Variants in SYNE1 observed in about 807,000 individuals in gnomAD.
SYNE1 encodes nesprin-1.
In SYNE1, 616 loss-of-function variants were observed where a neutral mutation model predicts 1,111.0. The observed-to-expected ratio is 0.55, with a 90% CI of 0.52 to 0.59. The LOEUF (loss-of-function observed/expected upper bound fraction) is 0.59. SYNE1 is among the 20% of genes least tolerant of loss of function. SYNE1 has a pLI of 0.00. For missense variants in SYNE1, 10,006 were observed against 10,417.0 expected, an observed-to-expected ratio of 0.96 and a Z score of 1.72; for synonymous variants, 3,855 against 3,825.8, an observed-to-expected ratio of 1.01 and a Z score of -0.28.
At chr6:152,347,982 G>A (rs10223515) in intron 72 of SYNE1, among the ~76,000 whole-genome samples, 17,690 of 151,748 alleles carry the variant, frequency 0.12, 1,282 homozygotes, top group Non-Finnish European at 0.13. Flanking sequence ...GAGCCACCAC[G>A]CCCGGCCTGT....
At chr6:152,577,160 T>C (rs1396964245) in intron 3 of SYNE1, among the ~76,000 whole-genome samples, 1 of 152,190 alleles carries the variant, frequency 6.6e-6, no homozygotes, top group Non-Finnish European at 1.5e-5. Flanking sequence ...GGCTCAACGA[T>C]AGAAAGAATC....
rs1355947394 is a variant in SYNE1 at position 152,234,112 on chromosome 6, C to T, written c.20530-149G>A. 3.4e-6 allele frequency: 3 copies of T among 878,016 alleles called. No homozygotes were observed. The African/African-American group carries it at 5.0e-5, about 15-fold the overall frequency. The allele number at this position is 878,016 out of a possible 1,614,324, so 54.4% of individuals were successfully genotyped here. On this transcript the variant is annotated intron_variant, in intron 111 of 145. Transcript: ENST00000367255. Reference sequence around the variant, plus strand: ...CAAAAGAAAATGAAAGCAGTACACCCTTGCCCTCGAATGAAAGGAAACTAC... The same window carrying T: ...CAAAAGAAAATGAAAGCAGTACACCTTTGCCCTCGAATGAAAGGAAACTAC...
intron 84 of SYNE1, 78 bp from the exon 85 acceptor site, chr6:152,319,093 T>C: frequency 6.3e-7 from 1 of 1,576,292 alleles, no homozygotes; most frequent in Admixed American, 1.8e-5. Context: ...CAAATGATGT[T>C]GACAAGACAC....
In SYNE1 at chr6:152,176,422, G is replaced by GCCA; in HGVS notation, c.23596_23598dup (p.Trp7866dup). The GCCA allele has an allele frequency of 1.2e-6, 2 of 1,614,142 alleles. No individual in the cohort carries two copies. The highest frequency in any genetic ancestry group is 1.7e-6 in the Non-Finnish European group (2 of 1,180,014). ...GCTGCAATGAGGTCCAGGAGATGCTGCCACCGGTCGTTGACCTTTCCCAGC... is the reference window on the plus strand; with the variant it reads ...GCTGCAATGAGGTCCAGGAGATGCTGCCACCACCGGTCGTTGACCTTTCCCAGC... On this transcript the variant is annotated inframe_insertion, in exon 130 of 146. Coordinates refer to ENST00000367255, the MANE Select transcript of SYNE1 (RefSeq NM_182961.4).
intron 8 of SYNE1, among the ~76,000 whole-genome samples, chr6:152,506,460 A>G (rs953966841): frequency 6.6e-6 from 1 of 152,090 alleles, no homozygotes; most frequent in African/African-American, 2.4e-5. Context: ...GAATCTCAAA[A>G]TTTTCATGAA....
intron 3 of SYNE1, chr6:152,546,995 G>A (rs1170762602): frequency 6.6e-6 from 1 of 152,200 alleles, no homozygotes; most frequent in Non-Finnish European, 1.5e-5. Context: ...TCACTTGGAG[G>A]AGAACTGAGG....
chr6:152,312,865 C>T (rs1283453650), intron 87 of SYNE1, among the ~76,000 whole-genome samples: 1 of 152,022 alleles, frequency 6.6e-6, no homozygotes, highest in East Asian at 1.9e-4. Context: ...CTTAGCGTTA[C>T]CGGAAAAAGG....
At chr6:152,238,029 C>G (rs1369235096) in intron 108 of SYNE1, among the ~76,000 whole-genome samples, 1 of 152,134 alleles carries the variant, frequency 6.6e-6, no homozygotes, top group East Asian at 1.9e-4. Flanking sequence ...GTAAATAAAA[C>G]AGACACAAAC....
intron 89 of SYNE1, 110 bp from the exon 90 acceptor site, chr6:152,310,127 A>C: frequency 7.3e-7 from 1 of 1,372,648 alleles, no homozygotes; most frequent in Non-Finnish European, 9.9e-7. Flanking sequence ...TTTGCAAAAA[A>C]AAAAAAATGT....
intron 135 of SYNE1, among the ~76,000 whole-genome samples, chr6:152,150,041 TGTAGC>T (rs2060141606): frequency 6.6e-6 from 1 of 152,200 alleles, no homozygotes; most frequent in Non-Finnish European, 1.5e-5. Flanking sequence ...CTGAAATAAA[TGTAGC>T]ATTTTAAAGA....
Position 152,366,308 on chromosome 6 carries a change from G to A in SYNE1, c.9972+910C>T, listed in dbSNP as rs573350465. The stretch of plus-strand genomic sequence containing the variant: ...GATCACACCATTGCACTCCAGCCTG[G>A]GCAACAAGAGCAAAACTCCGTCTAA... On this transcript the variant is annotated intron_variant, in intron 62 of 145. Transcript: ENST00000367255. Among the ~76,000 whole-genome samples, 11 of 151,836 alleles carry A rather than the reference G, an allele frequency of 7.2e-5. No homozygotes were observed. The East Asian group carries it at 9.7e-4, about 13-fold the overall frequency.
chr6:152,362,444 C>T, intron 63 of SYNE1, 121 bp from the exon 64 acceptor site: 3 of 1,380,884 alleles, frequency 2.2e-6, no homozygotes, highest in East Asian at 4.7e-5. Context: ...AAGAAGCTTG[C>T]TTGGGAGTGA....
At chr6:152,283,934 A>T in intron 96 of SYNE1, 44 bp downstream of exon 96, 2 of 1,484,640 alleles carry the variant, frequency 1.3e-6, no homozygotes, top group South Asian at 2.3e-5. Flanking sequence ...CAACGTTAAA[A>T]GTTAACTCAG....
chr6:152,372,501 G>A (rs1396844599), intron 59 of SYNE1, among the ~76,000 whole-genome samples: 2 of 151,686 alleles, frequency 1.3e-5, no homozygotes, highest in East Asian at 1.9e-4. Context: ...AGTCTCAGAC[G>A]GAAAAAAAAT....
Position 152,319,012 on chromosome 6 carries a change from G to C in SYNE1, c.16240C>G (p.Gln5414Glu). Reference protein sequence around the residue: ...ALDLKIRDQIQDKIKEVEQSK... With the variant: ...ALDLKIRDQIEDKIKEVEQSK... ...TGCTCAACTTCTTTTATTTTGTCTT[G>C]GATCTAAAAAAATCAGTAAGAACAG... The change falls in exon 85 of 146, where the codon CAA becomes GAA. Residue 5414 changes from glutamine (Q) to glutamate (E), a missense_variant. By Grantham distance (29) the Gln-to-Glu change is conservative. Coordinates refer to ENST00000367255, the MANE Select transcript of SYNE1 (RefSeq NM_182961.4). 1 of 1,613,738 alleles carries C rather than the reference G, an allele frequency of 6.2e-7. No homozygotes were observed.
Position 152,233,764 on chromosome 6 carries a change from A to C in SYNE1, c.20712+17T>G. Reference sequence around the variant, plus strand: ...GCTTAAGTCAGCTATTTCCCACGAAAGCAATCCTTTCTGTACCTGGTGGAG... The same window carrying C: ...GCTTAAGTCAGCTATTTCCCACGAACGCAATCCTTTCTGTACCTGGTGGAG... On this transcript the variant is annotated intron_variant, in intron 112 of 145. Coordinates refer to ENST00000367255, the MANE Select transcript of SYNE1 (RefSeq NM_182961.4). 1 of 1,614,168 alleles carries C rather than the reference A, an allele frequency of 6.2e-7. No homozygotes were observed. Among genetic ancestry groups the C allele is most frequent in the Admixed American group, 1.7e-5 (1 of 60,034 alleles).
intron 142 of SYNE1, chr6:152,134,765 C>T (rs1395617533): frequency 3.5e-6 from 1 of 289,132 alleles, no homozygotes; most frequent in African/African-American, 2.2e-5. Context: ...CTACAAGCCA[C>T]CAAATATACT....
chr6:152,448,621 C>T (rs529343868), intron 28 of SYNE1, among the ~76,000 whole-genome samples: 5 of 152,238 alleles, frequency 3.3e-5, no homozygotes, highest in South Asian at 4.1e-4. Context: ...CAGGGCGGAT[C>T]GCTTGAGCCC....
chr6:152,493,811 C>T (rs966025762), intron 11 of SYNE1, among the ~76,000 whole-genome samples: 3 of 152,220 alleles, frequency 2.0e-5, no homozygotes, highest in Admixed American at 1.3e-4. Flanking sequence ...CCTTCCTAGG[C>T]ATAGTTAGGT....
Sources: allele counts gnomAD v4.1 joint callset (sites outside exome capture counted in the v4.1 genomes callset), GRCh38; gene constraint gnomAD v4.1.1; transcripts MANE v1.5; gene names NCBI Gene and HGNC (gene_info 2026-07-23, HGNC 2026-07-21).